Variants in PAX3 observed in about 807,000 individuals in gnomAD.
PAX3 encodes paired box 3, also known as paired box protein Pax-3.
Under a neutral mutation model 51.6 loss-of-function variants are expected in PAX3, and 14 were observed. That is an observed-to-expected ratio of 0.27 (90% CI 0.18 to 0.42). The LOEUF is 0.42. Ranked by LOEUF, PAX3 falls within the 10% of genes least tolerant of loss-of-function variation. The pLI, the probability that PAX3 is intolerant of heterozygous loss-of-function variation, is 1.00. For synonymous variants in PAX3, 280 were observed against 253.4 expected (o/e 1.11, Z -1.00); for missense variants, 540 against 642.8 (o/e 0.84, Z 1.73).
intron 4 of PAX3, among the ~76,000 whole-genome samples, chr2:222,273,586 G>A (rs1694323188): frequency 6.6e-6 from 1 of 152,182 alleles, no homozygotes; most frequent in Non-Finnish European, 1.5e-5. Flanking sequence ...TGTGTGTCAA[G>A]TGAACAAAAG....
intron 4 of PAX3, chr2:222,242,622 T>C (rs1693060149): frequency 6.6e-6 from 1 of 152,208 alleles, no homozygotes; most frequent in Admixed American, 6.5e-5. Context: ...AAGGAAAAAC[T>C]GTGGCCAATA....
In PAX3 at chr2:222,296,851, C is replaced by T. The variant is rs1020227048; in HGVS notation, c.321+127G>A. 5 of 808,018 alleles carry T rather than the reference C, an allele frequency of 6.2e-6. No individual in the cohort carries two copies. In the African/African-American group the frequency reaches 8.5e-5, roughly 14 times the overall value. The allele number at this position is 808,018 out of a possible 1,614,324, so 50.1% of individuals were successfully genotyped here. A position where few individuals can be genotyped will look rare whatever the true frequency, so the allele number is the denominator to read the frequency against. On this transcript the variant is annotated intron_variant, in intron 2 of 8. Transcript: ENST00000392070. ...ACACACACACACGCGCGCCTTTACG[C>T]ACCTTCACAAACCTCAGAAATAACT...
At chr2:222,206,330 C>G (rs1334740070) in intron 7 of PAX3, among the ~76,000 whole-genome samples, 1 of 151,880 alleles carries the variant, frequency 6.6e-6, no homozygotes, top group Non-Finnish European at 1.5e-5. Context: ...GATCTCTGCT[C>G]TGTCTCATTA....
chr2:222,289,456 G>A (rs554762201), intron 4 of PAX3, among the ~76,000 whole-genome samples: 42 of 152,228 alleles, frequency 2.8e-4, no homozygotes, highest in Middle Eastern at 3.4e-3. Flanking sequence ...GAACCGCCGC[G>A]CGCTGACTGG....
intron 4 of PAX3, among the ~76,000 whole-genome samples, chr2:222,259,839 C>T (rs1441973514): frequency 6.6e-6 from 1 of 151,824 alleles, no homozygotes; most frequent in Non-Finnish European, 1.5e-5. Context: ...TACTTACCAG[C>T]AGTTACTTAC....
At chr2:222,214,880 G>A (rs1228469114) in intron 7 of PAX3, 4 of 127,990 alleles carry the variant, frequency 3.1e-5, no homozygotes, top group South Asian at 2.5e-4. Context: ...AACAGTTAAA[G>A]GTTCTCTAAA....
chr2:222,211,256 C>T (rs1490957208), intron 7 of PAX3, among the ~76,000 whole-genome samples: 2 of 152,144 alleles, frequency 1.3e-5, no homozygotes, highest in Non-Finnish European at 2.9e-5. Flanking sequence ...CAGCCTAAGT[C>T]TACAAGACAA....
chr2:222,209,237 T>C (rs1691625638), intron 7 of PAX3, among the ~76,000 whole-genome samples: 1 of 152,200 alleles, frequency 6.6e-6, no homozygotes. Flanking sequence ...ATGTATGATG[T>C]AAGCAAATAT....
chr2:222,206,888 G>T (rs945666334), intron 7 of PAX3, among the ~76,000 whole-genome samples: 2 of 151,964 alleles, frequency 1.3e-5, no homozygotes, highest in African/African-American at 4.8e-5. Context: ...ACATCCAGGC[G>T]CTTCTTTTTT....
chr2:222,296,948 G>A (rs1695331182), intron 2 of PAX3, 30 bp downstream of exon 2: 2 of 1,570,682 alleles, frequency 1.3e-6, no homozygotes, highest in East Asian at 2.3e-5. Context: ...CACAGTCTGG[G>A]AGCCAGGAGG....
chr2:222,230,566 T>C (rs1692551334), intron 5 of PAX3, among the ~76,000 whole-genome samples: 1 of 151,920 alleles, frequency 6.6e-6, no homozygotes, highest in Non-Finnish European at 1.5e-5. Context: ...GTATAATTTT[T>C]TAAAAAAAGG....
At chr2:222,249,648 C>T (rs1259738935) in intron 4 of PAX3, among the ~76,000 whole-genome samples, 2 of 152,170 alleles carry the variant, frequency 1.3e-5, no homozygotes, top group Non-Finnish European at 2.9e-5. Flanking sequence ...AATCACATGA[C>T]CACGTGACAC....
chr2:222,269,995 AT>A (rs892914343), intron 4 of PAX3, among the ~76,000 whole-genome samples: 66 of 152,248 alleles, frequency 4.3e-4, no homozygotes, highest in African/African-American at 1.6e-3. Flanking sequence ...TTTAGATAAT[AT>A]TTTTCCATTT....
intron 3 of PAX3, 85 bp from the exon 4 acceptor site, chr2:222,294,386 A>T: frequency 1.3e-6 from 2 of 1,498,704 alleles, no homozygotes; most frequent in East Asian, 2.3e-5. Flanking sequence ...CCACCCCCAA[A>T]CACCAGCCAG....
At chr2:222,246,492 C>G (rs1487857251) in intron 4 of PAX3, among the ~76,000 whole-genome samples, 1 of 151,978 alleles carries the variant, frequency 6.6e-6, no homozygotes, top group Non-Finnish European at 1.5e-5. Context: ...AAAATTTGAG[C>G]AATGTCTAAA....
chr2:222,202,060 T>C lies in PAX3; in HGVS notation c.1304A>G (p.His435Arg), dbSNP rs1691313917. Residue 435 changes from histidine (H) to arginine (R), a missense_variant, in exon 8 of 9, where the codon CAT (histidine) becomes CGT (arginine). Coordinates refer to ENST00000392070, the MANE Select transcript of PAX3 (RefSeq NM_181458.4). ...TGGCAGACTGTCCAAGCTCTTCATA[T>C]GGTCTAGTCTCTGACTGCAGCTGGC... is the stretch of plus-strand genomic sequence containing the variant. ...VSASCSQRLD[H>R]MKSLDSLPTS... The C allele has an allele frequency of 1.2e-6, 2 of 1,614,072 alleles. No individual in the cohort carries two copies. The highest frequency in any genetic ancestry group is 1.7e-6 in the Non-Finnish European group (2 of 1,180,002).
chr2:222,293,922 G>T, intron 4 of PAX3: 2 of 1,421,338 alleles, frequency 1.4e-6, no homozygotes, highest in Non-Finnish European at 1.8e-6. Context: ...GAATCCCAGG[G>T]GCTGAAAGTG....
At chr2:222,283,509 A>T (rs1391962605) in intron 4 of PAX3, among the ~76,000 whole-genome samples, 1 of 151,866 alleles carries the variant, frequency 6.6e-6, no homozygotes, top group African/African-American at 2.4e-5. Context: ...AAATACGATA[A>T]TTTTTTTTTA....
chr2:222,286,349 T>C (rs999654876), intron 4 of PAX3, among the ~76,000 whole-genome samples: 6 of 152,250 alleles, frequency 3.9e-5, no homozygotes, highest in Non-Finnish European at 8.8e-5. Flanking sequence ...ACAGTAAATA[T>C]GGCCAAATAA....
Sources: allele counts gnomAD v4.1 joint callset (sites outside exome capture counted in the v4.1 genomes callset), GRCh38; gene constraint gnomAD v4.1.1; transcripts MANE v1.5; gene names NCBI Gene and HGNC (gene_info 2026-07-23, HGNC 2026-07-21).